Variants in LHFPL3 observed in about 807,000 individuals in gnomAD.
LHFPL3 encodes the protein LHFPL tetraspan subfamily member 3.
A neutral mutation model predicts 19.3 loss-of-function variants in LHFPL3; 5 were observed. The observed-to-expected ratio is 0.26, with a 90% confidence interval of 0.14 to 0.54. LHFPL3 has a LOEUF of 0.54. Ranked by LOEUF, LHFPL3 falls within the 20% of genes least tolerant of loss-of-function variation. The pLI is 0.94. For synonymous variants in LHFPL3, 133 were observed against 126.2 expected, an observed-to-expected ratio of 1.05 and a Z score of -0.36; for missense variants, 249 against 307.4, an observed-to-expected ratio of 0.81 and a Z score of 1.42.
intron 1 of LHFPL3, among the ~76,000 whole-genome samples, chr7:104,505,079 T>C (rs1008824213): frequency 6.6e-6 from 1 of 152,252 alleles, no homozygotes; most frequent in African/African-American, 2.4e-5. Flanking sequence ...TATGTATATG[T>C]AGAAGTTAGC....
chr7:104,822,704 G>A (rs1790698704), intron 2 of LHFPL3, among the ~76,000 whole-genome samples: 1 of 152,180 alleles, frequency 6.6e-6, no homozygotes, highest in African/African-American at 2.4e-5. Flanking sequence ...CAAAGATCAA[G>A]TAAGCCGCAT....
At chr7:104,880,586 G>A (rs1390467863) in intron 2 of LHFPL3, among the ~76,000 whole-genome samples, 2 of 151,416 alleles carry the variant, frequency 1.3e-5, no homozygotes, top group Non-Finnish European at 2.9e-5. Flanking sequence ...TCTAGAAATG[G>A]AACAACAAAG....
chr7:104,459,390 G>A (rs928628797), intron 1 of LHFPL3, among the ~76,000 whole-genome samples: 4 of 152,172 alleles, frequency 2.6e-5, no homozygotes, highest in Non-Finnish European at 2.9e-5. Context: ...GTAACCTTGG[G>A]CATTGGACTT....
At chr7:104,629,645 A>G (rs1195117211) in intron 1 of LHFPL3, among the ~76,000 whole-genome samples, 1 of 152,200 alleles carries the variant, frequency 6.6e-6, no homozygotes, top group Non-Finnish European at 1.5e-5. Flanking sequence ...TCTGTGTTCC[A>G]GCTCACTGCT....
intron 1 of LHFPL3, among the ~76,000 whole-genome samples, chr7:104,430,976 AAT>A (rs1325549733): frequency 6.6e-6 from 1 of 152,192 alleles, no homozygotes; most frequent in Non-Finnish European, 1.5e-5. Context: ...CCAGATGATA[AAT>A]AAATAAATAA....
chr7:104,461,820 G>T (rs1189239630), intron 1 of LHFPL3, among the ~76,000 whole-genome samples: 1 of 152,146 alleles, frequency 6.6e-6, no homozygotes, highest in Non-Finnish European at 1.5e-5. Flanking sequence ...GAATAGCACT[G>T]AATCTCTAAA....
intron 2 of LHFPL3, among the ~76,000 whole-genome samples, chr7:104,773,213 G>A (rs138852633): frequency 0.01 from 1,592 of 152,296 alleles, 10 homozygotes; most frequent in South Asian, 0.022. Context: ...AGGGGCCACT[G>A]GCTGGACTTC....
At chr7:104,882,652 T>A (rs1792078916) in intron 2 of LHFPL3, among the ~76,000 whole-genome samples, 1 of 152,104 alleles carries the variant, frequency 6.6e-6, no homozygotes, top group Non-Finnish European at 1.5e-5. Flanking sequence ...GAATGGTGAG[T>A]GACTGACAGT....
chr7:104,900,992 G>A (rs1009414113), intron 2 of LHFPL3, among the ~76,000 whole-genome samples: 1 of 152,192 alleles, frequency 6.6e-6, no homozygotes, highest in African/African-American at 2.4e-5. Context: ...ATGGTGCATG[G>A]GAAATGTTAG....
chr7:104,788,287 G>A (rs1196064060), intron 2 of LHFPL3, among the ~76,000 whole-genome samples: 1 of 152,176 alleles, frequency 6.6e-6, no homozygotes, highest in Non-Finnish European at 1.5e-5. Context: ...CGTGTATCCA[G>A]GGATCTGAAA....
At position 104,636,464 on chromosome 7, in the gene LHFPL3, C is replaced by T. The variant is rs961851835; in HGVS notation, c.446-100211C>T. 8.5e-5 allele frequency among the ~76,000 whole-genome samples: 13 copies of T among 152,178 alleles called. 1 individual carries two copies. The highest frequency in any genetic ancestry group is 3.1e-4 in the African/African-American group (13 of 41,542). On this transcript the variant is annotated intron_variant, in intron 1 of 2. Transcript: ENST00000424859. ...GTTTCACAGGGGTTTGGTGTACAGA[C>T]CATTTCATCATCCAGGTACTAAGCA...
chr7:104,757,913 T>C (rs930146542), intron 2 of LHFPL3, among the ~76,000 whole-genome samples: 2 of 152,204 alleles, frequency 1.3e-5, no homozygotes, highest in Non-Finnish European at 2.9e-5. Flanking sequence ...GTATGTTCAT[T>C]GCAGCACTAT....
At position 104,437,103 on chromosome 7, in the gene LHFPL3, GAAGTT is replaced by G. The variant is rs1281954701; in HGVS notation, c.445+107883_445+107887del. ...ATTACTGTCAACCACTTATCACAGA[GAAGTT>G]AAGCTAATTTATAACACTTGTCCTT... is the stretch of plus-strand genomic sequence containing the variant. On this transcript the variant is annotated intron_variant, in intron 1 of 2. Transcript: ENST00000424859. Among the ~76,000 whole-genome samples, 4 of 152,148 alleles carry G rather than the reference GAAGTT, an allele frequency of 2.6e-5. No individual in the cohort carries two copies. The East Asian group carries it at 7.7e-4, about 29-fold the overall frequency.
chr7:104,702,047 C>A (rs1793113709), intron 1 of LHFPL3, among the ~76,000 whole-genome samples: 3 of 151,906 alleles, frequency 2.0e-5, no homozygotes, highest in Admixed American at 1.3e-4. Flanking sequence ...CCGTGACAGG[C>A]CCCAGTGTGT....
At chr7:104,604,994 G>A (rs1183984494) in intron 1 of LHFPL3, among the ~76,000 whole-genome samples, 1 of 152,084 alleles carries the variant, frequency 6.6e-6, no homozygotes, top group African/African-American at 2.4e-5. Context: ...TTTCCTACAG[G>A]GATTTGCTAG....
intron 2 of LHFPL3, among the ~76,000 whole-genome samples, chr7:104,780,084 C>T (rs1328585067): frequency 4.6e-5 from 7 of 152,214 alleles, no homozygotes; most frequent in African/African-American, 1.7e-4. Flanking sequence ...CCCTTGGCCC[C>T]CAGTGGCCCC....
chr7:104,335,334 C>A (rs1397821163), intron 1 of LHFPL3, among the ~76,000 whole-genome samples: 1 of 152,166 alleles, frequency 6.6e-6, no homozygotes, highest in Non-Finnish European at 1.5e-5. Flanking sequence ...TACCTACAGC[C>A]AGTGAGGGCA....
chr7:104,851,417 T>C (rs1208722249), intron 2 of LHFPL3, among the ~76,000 whole-genome samples: 1 of 152,122 alleles, frequency 6.6e-6, no homozygotes, highest in Non-Finnish European at 1.5e-5. Context: ...CCCTTCCTTC[T>C]TGGAGAGTTG....
At chr7:104,645,657 T>TC (rs1423363811) in intron 1 of LHFPL3, among the ~76,000 whole-genome samples, 3 of 124,560 alleles carry the variant, frequency 2.4e-5, no homozygotes, top group Non-Finnish European at 5.1e-5. Context: ...GGGTTTTCTT[T>TC]TTTTTTTTTT....
Sources: gnomAD v4.1 joint callset for allele counts (sites outside exome capture counted in the v4.1 genomes callset) on GRCh38, gnomAD v4.1.1 for gene constraint, MANE v1.5 for transcripts, NCBI Gene and HGNC (gene_info 2026-07-23, HGNC 2026-07-21) for gene names.